The following ZNF385B variants were observed in gnomAD, a reference collection of about 807,000 sequenced individuals.
ZNF385B encodes zinc finger protein 385B.
Under a neutral mutation model 39.2 loss-of-function variants are expected in ZNF385B, and 23 were observed. That is an observed-to-expected ratio of 0.59 (90% CI 0.42 to 0.83). The LOEUF (loss-of-function observed/expected upper bound fraction) is 0.83. ZNF385B is among the 40% of genes least tolerant of loss of function. The pLI, the probability that ZNF385B is intolerant of heterozygous loss-of-function variation, is 0.00. For missense variants in ZNF385B, 552 were observed against 598.9 expected, an observed-to-expected ratio of 0.92 and a Z score of 0.82; for synonymous variants, 205 against 222.6, an observed-to-expected ratio of 0.92 and a Z score of 0.70.
intron 3 of ZNF385B, among the ~76,000 whole-genome samples, chr2:179,632,365 T>G (rs1691313491): frequency 6.6e-6 from 1 of 152,196 alleles, no homozygotes; most frequent in Non-Finnish European, 1.5e-5. Context: ...CAGACCACAG[T>G]GCAATCAAAT....
intron 3 of ZNF385B, among the ~76,000 whole-genome samples, chr2:179,552,415 C>A (rs1055917466): frequency 2.7e-5 from 4 of 149,218 alleles, no homozygotes; most frequent in Non-Finnish European, 4.4e-5. Context: ...CATTATTATG[C>A]ATGTTCCCAT....
At chr2:179,779,812 TGA>T (rs1480660891) in intron 1 of ZNF385B, among the ~76,000 whole-genome samples, 1 of 152,130 alleles carries the variant, frequency 6.6e-6, no homozygotes, top group Non-Finnish European at 1.5e-5. Flanking sequence ...AAAAAAATGA[TGA>T]GTGTGTGAGG....
At chr2:179,755,242 T>G (rs939323375) in intron 3 of ZNF385B, among the ~76,000 whole-genome samples, 3 of 152,220 alleles carry the variant, frequency 2.0e-5, no homozygotes, top group African/African-American at 7.2e-5. Flanking sequence ...TTGAGTAGTT[T>G]TGAGTGAGTT....
intron 3 of ZNF385B, among the ~76,000 whole-genome samples, chr2:179,593,200 C>G (rs72953725): frequency 1.1e-4 from 17 of 151,834 alleles, no homozygotes; most frequent in Non-Finnish European, 2.2e-4. Context: ...TGAAATAAAA[C>G]AAAAAATAAC....
chr2:179,545,013 T>C (rs772813626), intron 3 of ZNF385B, 44 bp from the exon 4 acceptor site: 2 of 1,612,158 alleles, frequency 1.2e-6, no homozygotes, highest in Admixed American at 3.3e-5. Context: ...CTTGCTCACA[T>C]CCATCTCCCT....
intron 1 of ZNF385B, among the ~76,000 whole-genome samples, chr2:179,807,933 G>GAAAGAAAGAAAGAAAGAAAGAAA (rs1553538065): frequency 4.1e-5 from 4 of 97,704 alleles, no homozygotes; most frequent in African/African-American, 1.6e-4. Context: ...AAAGAAAGAA[G>GAAAGAAAGAAAGAAAGAAAGAAA]GAAGGAAGGA....
At chr2:179,725,294 T>C (rs931274234) in intron 3 of ZNF385B, among the ~76,000 whole-genome samples, 17 of 152,008 alleles carry the variant, frequency 1.1e-4, no homozygotes, top group Non-Finnish European at 1.9e-4. Flanking sequence ...AGTTGTAGAT[T>C]TTCAATTAAT....
At chr2:179,733,174 C>T (rs990274632) in intron 3 of ZNF385B, among the ~76,000 whole-genome samples, 1 of 152,188 alleles carries the variant, frequency 6.6e-6, no homozygotes, top group Admixed American at 6.5e-5. Context: ...GTCAGCGCAA[C>T]TCCTGCTCAG....
chr2:179,704,085 A>G (rs1467333461), intron 3 of ZNF385B, among the ~76,000 whole-genome samples: 1 of 152,234 alleles, frequency 6.6e-6, no homozygotes. Context: ...AGTCATTAGT[A>G]TAAGAATGTT....
chr2:179,599,985 A>T (rs1688288376), intron 3 of ZNF385B, among the ~76,000 whole-genome samples: 1 of 152,210 alleles, frequency 6.6e-6, no homozygotes, highest in South Asian at 2.1e-4. Flanking sequence ...GATTGCGTTA[A>T]CCATTTTGAA....
At chr2:179,733,661 T>G (rs1303055852) in intron 3 of ZNF385B, among the ~76,000 whole-genome samples, 4 of 151,776 alleles carry the variant, frequency 2.6e-5, no homozygotes, top group African/African-American at 9.7e-5. Flanking sequence ...CGGGTGCCTG[T>G]AGTCCCAGCT....
chr2:179,672,931 T>C (rs1192679812), intron 3 of ZNF385B, among the ~76,000 whole-genome samples: 1 of 152,100 alleles, frequency 6.6e-6, no homozygotes, highest in Non-Finnish European at 1.5e-5. Context: ...GACAGCTGAA[T>C]AGAAGCAAAA....
At position 179,693,985 on chromosome 2, in the gene ZNF385B, G is replaced by A. The variant is rs977413117; in HGVS notation, c.298+75518C>T. ...CAGAGCAATGTCATCAAAAGTATGT[G>A]ACCCAATTTTATATGAAGCCTGAAA... is the stretch of plus-strand genomic sequence containing the variant. On this transcript the variant is annotated intron_variant, in intron 3 of 9. Coordinates refer to ENST00000410066, the MANE Select transcript of ZNF385B (RefSeq NM_152520.6). Among the ~76,000 whole-genome samples, 3 of 152,074 alleles carry A rather than the reference G, an allele frequency of 2.0e-5. No individual in the cohort carries two copies. The East Asian group carries it at 5.8e-4, about 29-fold the overall frequency.
At chr2:179,614,074 C>T (rs756220005) in intron 3 of ZNF385B, among the ~76,000 whole-genome samples, 29 of 151,080 alleles carry the variant, frequency 1.9e-4, no homozygotes, top group East Asian at 1.9e-4. Context: ...CTGTGACACA[C>T]GGCTGCTGCC....
At position 179,700,011 on chromosome 2, in the gene ZNF385B, G is replaced by A. The variant is rs80168747; in HGVS notation, c.298+69492C>T. 5.3e-5 allele frequency among the ~76,000 whole-genome samples: 8 copies of A among 151,576 alleles called. No individual in the cohort carries two copies. In the East Asian group the frequency reaches 1.6e-3, roughly 29 times the overall value. On this transcript the variant is annotated intron_variant, in intron 3 of 9. Transcript: ENST00000410066. ...CCCCATTCCCTGCTCTCTTCATTGA[G>A]GAGAAAATTTAAATAACATGTTTTT...
intron 3 of ZNF385B, among the ~76,000 whole-genome samples, chr2:179,686,357 A>G (rs1697925006): frequency 6.6e-6 from 1 of 152,196 alleles, no homozygotes; most frequent in African/African-American, 2.4e-5. Context: ...CATGCTCTCT[A>G]TATTCTAAGT....
chr2:179,613,375 C>T (rs545402184), intron 3 of ZNF385B, among the ~76,000 whole-genome samples: 1 of 152,190 alleles, frequency 6.6e-6, no homozygotes, highest in South Asian at 2.1e-4. Context: ...TGAGTCTCAC[C>T]CAAGGCCCAT....
intron 3 of ZNF385B, among the ~76,000 whole-genome samples, chr2:179,557,311 A>G (rs761203762): frequency 3.3e-5 from 5 of 149,404 alleles, no homozygotes; most frequent in Non-Finnish European, 5.9e-5. Context: ...CTGACATTTT[A>G]AAGAGAGTAT....
chr2:179,602,473 A>G (rs1688483874), intron 3 of ZNF385B, among the ~76,000 whole-genome samples: 1 of 151,958 alleles, frequency 6.6e-6, no homozygotes, highest in African/African-American at 2.4e-5. Context: ...TGCTGGGATT[A>G]CAGGTGTGAG....
Sources: gnomAD v4.1 joint callset for allele counts (sites outside exome capture counted in the v4.1 genomes callset) on GRCh38, gnomAD v4.1.1 for gene constraint, MANE v1.5 for transcripts, NCBI Gene and HGNC (gene_info 2026-07-23, HGNC 2026-07-21) for gene names.